Variants in FN1 observed in about 807,000 individuals in gnomAD.
FN1 encodes the protein fibronectin.
Under a neutral mutation model 297.3 loss-of-function variants are expected in FN1, and 106 were observed. The ratio of observed to expected loss-of-function variants is 0.36; its 90% confidence interval spans 0.30 to 0.42. The LOEUF is 0.42. Among genes scored for constraint, FN1 ranks in the 10% least tolerant of loss-of-function variants. The pLI, the probability that FN1 is intolerant of heterozygous loss-of-function variation, is 1.00. For synonymous variants in FN1, 1,149 were observed against 1,152.6 expected, an observed-to-expected ratio of 1.00 and a Z score of 0.06; for missense variants, 2,690 against 3,124.9, an observed-to-expected ratio of 0.86 and a Z score of 3.32.
At chr2:215,415,104 A>G (rs1422567666) in intron 12 of FN1, 146 bp from the exon 13 acceptor site, 1 of 621,990 alleles carries the variant, frequency 1.6e-6, no homozygotes, top group African/African-American at 1.8e-5. Context: ...AATCTTTTAA[A>G]TATTTACGTT....
chr2:215,366,406 C>G (rs940910918), intron 42 of FN1, among the ~76,000 whole-genome samples: 1 of 152,138 alleles, frequency 6.6e-6, no homozygotes. Context: ...CAGCTGATCT[C>G]TACACGCCAC....
At chr2:215,402,215 T>TC (rs1200171256) in intron 20 of FN1, among the ~76,000 whole-genome samples, 1 of 151,974 alleles carries the variant, frequency 6.6e-6, no homozygotes, top group African/African-American at 2.4e-5. Context: ...CCACCTAGAG[T>TC]CTTCCCAAGT....
chr2:215,432,095 C>T, intron 3 of FN1, 131 bp from the exon 4 acceptor site: 1 of 1,037,068 alleles, frequency 9.6e-7, no homozygotes, highest in Non-Finnish European at 1.5e-6. Flanking sequence ...CCATCAGAGA[C>T]AGGGGAAACG....
Position 215,378,266 on chromosome 2 carries a change from G to C in FN1, c.5623-4C>G, listed in dbSNP as rs1340961810. ...TCACTTCATATTTGGTGGCCACCTA[G>C]AGAAATAAGGGCATGGTGAGCTTTA... On this transcript the variant is annotated splice_region_variant and splice_polypyrimidine_tract_variant and intron_variant, in intron 34 of 45. Coordinates refer to ENST00000354785, the MANE Select transcript of FN1 (RefSeq NM_212482.4). 2 of 1,576,130 alleles carry C rather than the reference G, an allele frequency of 1.3e-6. No homozygotes were observed. The highest frequency in any genetic ancestry group is 1.1e-5 in the South Asian group (1 of 90,324).
chr2:215,374,288 C>T (rs183553151), intron 38 of FN1, among the ~76,000 whole-genome samples: 6 of 152,266 alleles, frequency 3.9e-5, no homozygotes. Context: ...AAGCCAGTGT[C>T]TCCTTCTAAT....
In FN1 at chr2:215,404,395, T is replaced by TAAAG; in HGVS notation, c.3243_3246dup (p.Thr1083LeufsTer19). ...CACTTAATTTTCAGCTTACGTGTGG[T>TAAAG]AAAGACTCCAGTGGCTTTGGGGCTC... On this transcript the variant is annotated frameshift_variant, in exon 20 of 46. Transcript: ENST00000354785. LOFTEE classifies it high-confidence loss of function. 1 of 1,614,034 alleles carries TAAAG rather than the reference T, an allele frequency of 6.2e-7. No individual in the cohort carries two copies. The highest frequency in any genetic ancestry group is 8.5e-7 in the Non-Finnish European group (1 of 1,179,952).
chr2:215,375,373 G>A lies in FN1; in HGVS notation c.5998C>T (p.Leu2000=). The change falls in exon 38 of 46, where the codon CTG becomes TTG. Residue 2000 remains leucine, a synonymous_variant. Coordinates refer to ENST00000354785, the MANE Select transcript of FN1 (RefSeq NM_212482.4). ...TTGGGTGTGGTGGCCAGGAAACGCA[G>A]GTTGGATGGTGCATCAATGGCTGAA... ...ASTAIDAPSN[L]RFLATTPNSL... The A allele has an allele frequency of 6.2e-7, 1 of 1,613,332 alleles. No homozygotes were observed.
intron 22 of FN1, 50 bp from the exon 23 acceptor site, chr2:215,397,273 C>T: frequency 7.6e-7 from 1 of 1,316,792 alleles, no homozygotes; most frequent in Non-Finnish European, 1.1e-6. Context: ...AAGCTCTTGA[C>T]CTGTGTAATC....
chr2:215,421,410 T>C (rs998284025), intron 10 of FN1: 1 of 176,452 alleles, frequency 5.7e-6, no homozygotes, highest in African/African-American at 2.4e-5. Flanking sequence ...CTATGTGTTA[T>C]TAAGGTCTCT....
chr2:215,370,238 C>T (rs2055597365), intron 41 of FN1, 56 bp downstream of exon 41: 3 of 1,580,416 alleles, frequency 1.9e-6, no homozygotes, highest in Non-Finnish European at 2.6e-6. Flanking sequence ...CAGAAAAGCC[C>T]ATCTCTGGTG....
At chr2:215,393,250 A>AG (rs1330379519) in intron 24 of FN1, 47 bp from the exon 25 acceptor site, 4 of 1,593,168 alleles carry the variant, frequency 2.5e-6, no homozygotes, top group African/African-American at 1.4e-5. Flanking sequence ...AGGAAAATAG[A>AG]GGGAAAAAAA....
At chr2:215,376,853 T>C (rs756859510) in intron 35 of FN1, among the ~76,000 whole-genome samples, 179 bp from the exon 36 acceptor site, 6 of 152,218 alleles carry the variant, frequency 3.9e-5, no homozygotes, top group South Asian at 2.1e-4. Flanking sequence ...AATTAGAAAA[T>C]AGGAAAATAT....
At chr2:215,400,750 T>TG (rs2060898502) in intron 20 of FN1, among the ~76,000 whole-genome samples, 1 of 6,874 alleles carries the variant, frequency 1.5e-4, no homozygotes, top group Non-Finnish European at 3.4e-4. Flanking sequence ...AGGCTCCATC[T>TG]CAAAAAAAAA....
At chr2:215,392,074 T>G (rs1230575247) in intron 25 of FN1, 1 of 458,740 alleles carries the variant, frequency 2.2e-6, no homozygotes, top group Non-Finnish European at 4.0e-6. Context: ...CTTTCAAATA[T>G]GTTGACTTTA....
rs78340979 is a variant in FN1, at chr2:215,415,368, G to A, written c.1820-410C>T. 5.3e-3 allele frequency among the ~76,000 whole-genome samples: 806 copies of A among 152,124 alleles called. 2 individuals carry two copies. Among genetic ancestry groups the A allele is most frequent in the Non-Finnish European group, 8.9e-3 (607 of 67,980 alleles). ...TCTTTTAAAGCAAATTCTAATTTTGGAAGGTTTTCATCAAGAATGAATCTA... is the reference window on the plus strand; with the variant it reads ...TCTTTTAAAGCAAATTCTAATTTTGAAAGGTTTTCATCAAGAATGAATCTA... On this transcript the variant is annotated intron_variant, in intron 12 of 45. Coordinates refer to ENST00000354785, the MANE Select transcript of FN1 (RefSeq NM_212482.4).
intron 25 of FN1, 60 bp downstream of exon 25, chr2:215,392,871 T>C (rs1034393615): frequency 2.5e-6 from 4 of 1,585,300 alleles, no homozygotes; most frequent in Non-Finnish European, 3.5e-6. Flanking sequence ...TTAACCGGAG[T>C]AACTGGTGGC....
At chr2:215,419,118 T>C (rs1449533378) in intron 12 of FN1, 124 bp downstream of exon 12, 2 of 758,198 alleles carry the variant, frequency 2.6e-6, no homozygotes, top group Admixed American at 2.2e-5. Context: ...TATTAGATAA[T>C]AACAAGAGAA....
Position 215,424,134 on chromosome 2 carries a change from T to G in FN1, c.1216+12A>C. ...TTTTCTCACTTCTGTGGCTCCCCCT[T>G]GGGACACTCACCAGTGTGGTCTGTG... is the stretch of plus-strand genomic sequence containing the variant. On this transcript the variant is annotated intron_variant, in intron 8 of 45. Transcript: ENST00000354785. 1 of 1,613,686 alleles carries G rather than the reference T, an allele frequency of 6.2e-7. No individual in the cohort carries two copies. The highest frequency in any genetic ancestry group is 2.2e-5 in the East Asian group (1 of 44,876).
intron 12 of FN1, among the ~76,000 whole-genome samples, chr2:215,415,968 T>A (rs2063381896): frequency 1.3e-5 from 2 of 152,162 alleles, no homozygotes; most frequent in African/African-American, 4.8e-5. Flanking sequence ...AATTTCTAAC[T>A]GACACTCTGT....
Sources: allele counts gnomAD v4.1 joint callset (sites outside exome capture counted in the v4.1 genomes callset), GRCh38; gene constraint gnomAD v4.1.1; transcripts MANE v1.5; gene names NCBI Gene and HGNC (gene_info 2026-07-23, HGNC 2026-07-21).